The following PCDHGA10 variants were observed in gnomAD, a reference collection of about 807,000 sequenced individuals.
PCDHGA10 encodes the protein protocadherin gamma subfamily A, 10.
PCDHGA10 carries 42 observed loss-of-function variants against 59.5 expected under a neutral mutation model. That is an observed-to-expected ratio of 0.71 (90% CI 0.55 to 0.91). PCDHGA10 has a LOEUF of 0.91. Ranked by LOEUF, PCDHGA10 falls within the 40% of genes least tolerant of loss-of-function variation. The pLI is 0.00. For missense variants in PCDHGA10, 1,111 were observed against 1,198.2 expected (o/e 0.93, Z 1.07); for synonymous variants, 511 against 517.2 (o/e 0.99, Z 0.16).
rs1310685846 is a variant in PCDHGA10, at chr5:141,423,037, T to C, written c.2436+7426T>C. ...GGACAAAGATTCAGGCCAGAACGCCTGGCTGTCCTATCGCCTGCTTAAGGC... is the reference window on the plus strand; with the variant it reads ...GGACAAAGATTCAGGCCAGAACGCCCGGCTGTCCTATCGCCTGCTTAAGGC... On this transcript the variant is annotated intron_variant, in intron 1 of 3. Transcript: ENST00000398610. 5 of 1,614,086 alleles carry C rather than the reference T, an allele frequency of 3.1e-6. No homozygotes were observed. In the African/African-American group the frequency reaches 5.3e-5, roughly 17 times the overall value.
intron 1 of PCDHGA10, among the ~76,000 whole-genome samples, chr5:141,437,457 T>C (rs527469937): frequency 7.2e-5 from 11 of 152,358 alleles, no homozygotes; most frequent in Non-Finnish European, 1.5e-4. Flanking sequence ...GAGGAGACTA[T>C]ACTATACTTT....
intron 1 of PCDHGA10, among the ~76,000 whole-genome samples, chr5:141,463,911 T>C (rs749224024): frequency 6.6e-6 from 1 of 152,156 alleles, no homozygotes; most frequent in African/African-American, 2.4e-5. Context: ...TAATAATATA[T>C]CCTGGAAATC....
In PCDHGA10 at chr5:141,493,364, TTGGAAC is replaced by T. The variant is rs1405602213; in HGVS notation, c.2437-1441_2437-1436del. Among the ~76,000 whole-genome samples, 1 of 152,184 alleles carries T rather than the reference TTGGAAC, an allele frequency of 6.6e-6. No homozygotes were observed. Among genetic ancestry groups the T allele is most frequent in the South Asian group, 2.1e-4 (1 of 4,824 alleles). On this transcript the variant is annotated intron_variant, in intron 1 of 3. Coordinates refer to ENST00000398610, the MANE Select transcript of PCDHGA10 (RefSeq NM_018913.3). The surrounding 1 kb of genome is among the most constrained non-coding windows in gnomAD (Gnocchi z 4.3). Reference sequence around the variant, plus strand: ...ATGTGTGCTTTTAATTTCTTGGCACTTGGAACTTTAAAAGCTTGAGGACAGGAGAGG... The same window carrying T: ...ATGTGTGCTTTTAATTTCTTGGCACTTTTAAAAGCTTGAGGACAGGAGAGG...
Position 141,432,403 on chromosome 5 carries a change from G to A in PCDHGA10, c.2436+16792G>A, listed in dbSNP as rs1279890312. The A allele has an allele frequency of 6.2e-7, 1 of 1,614,242 alleles. No homozygotes were observed. The highest frequency in any genetic ancestry group is 8.5e-7 in the Non-Finnish European group (1 of 1,180,052). On this transcript the variant is annotated intron_variant, in intron 1 of 3. Coordinates refer to ENST00000398610, the MANE Select transcript of PCDHGA10 (RefSeq NM_018913.3). The surrounding 1 kb of genome is among the most constrained non-coding windows in gnomAD (Gnocchi z 6.0). ...CGCCCCTCAGCAGCAACGTGTCGTT[G>A]AGCCTGTTCGTGCTGGACCAGAACG...
Position 141,414,531 on chromosome 5 carries a change from C to A in PCDHGA10, c.1356C>A (p.Asn452Lys). The A allele has an allele frequency of 6.2e-7, 1 of 1,613,960 alleles. No individual in the cohort carries two copies. Among genetic ancestry groups the A allele is most frequent in the Non-Finnish European group, 8.5e-7 (1 of 1,179,896 alleles). The change falls in exon 1 of 4, where the codon AAC becomes AAA. Residue 452 changes from asparagine (N) to lysine (K), a missense_variant. Physicochemically the swap from Asn to Lys is moderately conservative, Grantham distance 94. Coordinates refer to ENST00000398610, the MANE Select transcript of PCDHGA10 (RefSeq NM_018913.3). ...FMLQVADIND[N>K]PPTFSQVSYF... ...TACAAGTGGCAGATATCAATGACAA[C>A]CCACCTACCTTCTCTCAAGTCTCCT... is the stretch of plus-strand genomic sequence containing the variant.
Position 141,485,331 on chromosome 5 carries a change from T to C in PCDHGA10, c.2437-9476T>C, listed in dbSNP as rs1203054851. On this transcript the variant is annotated intron_variant, in intron 1 of 3. Transcript: ENST00000398610. This position sits in a 1 kb window ranked among gnomAD's most constrained non-coding sequence, Gnocchi z 5.7. Reference sequence around the variant, plus strand: ...GTAGGGAATGTCGCTCAAGATTTCCTGCTGGATACGGACAGTCTGTCAGCT... The same window carrying C: ...GTAGGGAATGTCGCTCAAGATTTCCCGCTGGATACGGACAGTCTGTCAGCT... 6.2e-7 allele frequency: 1 copy of C among 1,614,048 alleles called. No individual in the cohort carries two copies. Among genetic ancestry groups the C allele is most frequent in the African/African-American group, 1.3e-5 (1 of 74,902 alleles).
At chr5:141,443,330 C>A (rs1005631067) in intron 1 of PCDHGA10, among the ~76,000 whole-genome samples, 44 of 139,282 alleles carry the variant, frequency 3.2e-4, no homozygotes, top group African/African-American at 4.5e-4. Flanking sequence ...AAAAAAAAAA[C>A]AAAAATTAAC....
rs765756193 is a variant in PCDHGA10, at chr5:141,511,105, C to T, written c.2743C>T (p.Arg915Trp). The T allele has an allele frequency of 2.8e-5, 46 of 1,614,196 alleles. No individual in the cohort carries two copies. In the East Asian group the frequency reaches 3.1e-4, roughly 11 times the overall value. Residue 915 changes from arginine to tryptophan, a missense_variant, in exon 4 of 4, where the codon CGG becomes TGG. Transcript: ENST00000398610. ...CACACTGACCAACGCAGCTGGCAAG[C>T]GGGATGGCAAGGCCCCAGCAGGTGG... ...NATLTNAAGK[R>W]DGKAPAGGNG...
chr5:141,439,588 T>C (rs2098121813), intron 1 of PCDHGA10, among the ~76,000 whole-genome samples: 2 of 152,200 alleles, frequency 1.3e-5, no homozygotes, highest in South Asian at 4.1e-4. Flanking sequence ...AGTGCCACTG[T>C]TGGCCAGTCT....
Position 141,476,480 on chromosome 5 carries a change from G to A in PCDHGA10, c.2437-18327G>A, listed in dbSNP as rs761828753. 1 of 1,614,108 alleles carries A rather than the reference G, an allele frequency of 6.2e-7. No individual in the cohort carries two copies. The highest frequency in any genetic ancestry group is 2.2e-5 in the East Asian group (1 of 44,846). On this transcript the variant is annotated intron_variant, in intron 1 of 3. Transcript: ENST00000398610. This position sits in a 1 kb window ranked among gnomAD's most constrained non-coding sequence, Gnocchi z 7.6. ...GAACCCGCTGGAGCTGTTCAGCGTG[G>A]AAGTGGTGATCCAGGACATCAACGA...
intron 1 of PCDHGA10, among the ~76,000 whole-genome samples, chr5:141,461,366 A>G (rs1186381077): frequency 6.6e-6 from 1 of 151,964 alleles, no homozygotes; most frequent in Non-Finnish European, 1.5e-5. Flanking sequence ...TTGTGGTTTT[A>G]ATTTGCATTT....
At chr5:141,472,668 C>T (rs2099292239) in intron 1 of PCDHGA10, among the ~76,000 whole-genome samples, 1 of 151,742 alleles carries the variant, frequency 6.6e-6, no homozygotes, top group African/African-American at 2.4e-5. Context: ...ATCCTGTATA[C>T]TGGTCCTTCC....
Position 141,431,663 on chromosome 5 carries a change from T to G in PCDHGA10, c.2436+16052T>G, listed in dbSNP as rs2097405149. ...ACTAGATTGTAATTCAGGGACAATA[T>G]CAACAATAGGGGAGTTGGACCACGA... On this transcript the variant is annotated intron_variant, in intron 1 of 3. Coordinates refer to ENST00000398610, the MANE Select transcript of PCDHGA10 (RefSeq NM_018913.3). The surrounding 1 kb of genome is among the most constrained non-coding windows in gnomAD (Gnocchi z 4.8). The G allele has an allele frequency of 6.2e-7, 1 of 1,614,168 alleles. No individual in the cohort carries two copies.
chr5:141,432,452 C>G lies in PCDHGA10; in HGVS notation c.2436+16841C>G. The G allele has an allele frequency of 6.2e-7, 1 of 1,614,212 alleles. No individual in the cohort carries two copies. The highest frequency in any genetic ancestry group is 8.5e-7 in the Non-Finnish European group (1 of 1,180,042). On this transcript the variant is annotated intron_variant, in intron 1 of 3. Coordinates refer to ENST00000398610, the MANE Select transcript of PCDHGA10 (RefSeq NM_018913.3). The surrounding 1 kb of genome is among the most constrained non-coding windows in gnomAD (Gnocchi z 6.0). ...CGACAATGCGCCCGAGATCCTGTACCCCGCCCTCCCCACGGACGGTTCCAC... is the reference window on the plus strand; with the variant it reads ...CGACAATGCGCCCGAGATCCTGTACGCCGCCCTCCCCACGGACGGTTCCAC...
At chr5:141,471,508 G>A (rs1262338812) in intron 1 of PCDHGA10, 3 of 152,216 alleles carry the variant, frequency 2.0e-5, no homozygotes, top group African/African-American at 7.2e-5. Context: ...AAGAGAGGGA[G>A]TAAAAATAAC....
At position 141,414,317 on chromosome 5, in the gene PCDHGA10, AG is replaced by A. The variant is rs757847465; in HGVS notation, c.1143del (p.Glu381AspfsTer6). On this transcript the variant is annotated frameshift_variant, in exon 1 of 4. Transcript: ENST00000398610. LOFTEE classifies it high-confidence loss of function. ...ALLNVHDLDSEQNGQVTCSIL... is the reference protein window; with the variant it reads ...ALLNVHDLDSXQNGQVTCSIL... The stretch of plus-strand genomic sequence containing the variant: ...TTAAATGTGCATGATTTAGACTCTG[AG>A]CAGAATGGACAGGTAACCTGTTCCA... The A allele has an allele frequency of 1.9e-6, 3 of 1,613,828 alleles. No individual in the cohort carries two copies. In the South Asian group the frequency reaches 3.3e-5, roughly 18 times the overall value.
intron 1 of PCDHGA10, chr5:141,421,239 G>A (rs773410079): frequency 6.3e-7 from 1 of 1,599,000 alleles, no homozygotes; most frequent in South Asian, 1.1e-5. Context: ...TGGCGAATCG[G>A]CTACAGCGCG....
At position 141,489,474 on chromosome 5, in the gene PCDHGA10, C is replaced by T. The variant is rs772297075; in HGVS notation, c.2437-5333C>T. On this transcript the variant is annotated intron_variant, in intron 1 of 3. Transcript: ENST00000398610. The surrounding 1 kb of genome is among the most constrained non-coding windows in gnomAD (Gnocchi z 4.5). ...AGAATGGGCGCTATTTTTCCCTGAG[C>T]TTGATGAGTGGTGCCCTGGCAGTGA... 6.2e-7 allele frequency: 1 copy of T among 1,614,108 alleles called. No individual in the cohort carries two copies. The highest frequency in any genetic ancestry group is 8.5e-7 in the Non-Finnish European group (1 of 1,180,034).
At chr5:141,439,547 T>C (rs2098120171) in intron 1 of PCDHGA10, among the ~76,000 whole-genome samples, 2 of 152,180 alleles carry the variant, frequency 1.3e-5, no homozygotes, top group Non-Finnish European at 2.9e-5. Context: ...CTCTCATTTC[T>C]TCAGGCTGCA....
Sources: gnomAD v4.1 joint callset for allele counts (sites outside exome capture counted in the v4.1 genomes callset) on GRCh38, gnomAD v4.1.1 for gene constraint, Gnocchi (gnomAD v3.1) non-coding constraint, MANE v1.5 for transcripts, NCBI Gene and HGNC (gene_info 2026-07-23, HGNC 2026-07-21) for gene names.